The following USP49 variants were observed in gnomAD, a reference collection of about 807,000 sequenced individuals.
The protein encoded by USP49 is ubiquitin carboxyl-terminal hydrolase 49.
In USP49, 24 loss-of-function variants were observed where a neutral mutation model predicts 58.6. That is an observed-to-expected ratio of 0.41 (90% confidence interval 0.30 to 0.58). The LOEUF is 0.58. Ranked by LOEUF, USP49 falls within the 20% of genes least tolerant of loss-of-function variation. The pLI, the probability that USP49 is intolerant of heterozygous loss-of-function variation, is 0.30. For missense variants in USP49, 703 were observed against 866.1 expected (o/e 0.81, Z 2.36); for synonymous variants, 408 against 365.1 (o/e 1.12, Z -1.34).
chr6:41,871,828 A>G (rs1774416940), intron 2 of USP49, among the ~76,000 whole-genome samples, 191 bp from the exon 3 acceptor site: 1 of 152,236 alleles, frequency 6.6e-6, no homozygotes, highest in Non-Finnish European at 1.5e-5. Context: ...GTAACCAAAG[A>G]GTCAGTCACT....
intron 3 of USP49, among the ~76,000 whole-genome samples, chr6:41,817,004 CTAT>C (rs893701154): frequency 4.0e-5 from 6 of 151,336 alleles, no homozygotes; most frequent in East Asian, 3.9e-4. Flanking sequence ...CTGCACCTGG[CTAT>C]TATTATTATT....
rs369674167 is a variant in USP49 at position 41,844,910 on chromosome 6, T to C, written c.-29+26654A>G. Among the ~76,000 whole-genome samples, 28 of 152,238 alleles carry C rather than the reference T, an allele frequency of 1.8e-4. No individual in the cohort carries two copies. In the East Asian group the frequency reaches 3.3e-3, roughly 18 times the overall value. Reference sequence around the variant, plus strand: ...GTTTTTTGTTTGTTTTGGTTTTGTTTTGTGTTTTGAGATGGAGTCTCACTC... The same window carrying C: ...GTTTTTTGTTTGTTTTGGTTTTGTTCTGTGTTTTGAGATGGAGTCTCACTC... On this transcript the variant is annotated intron_variant, in intron 3 of 7. Coordinates refer to ENST00000682992, the MANE Select transcript of USP49 (RefSeq NM_001286554.2).
At chr6:41,833,679 T>C (rs1013638815) in intron 3 of USP49, among the ~76,000 whole-genome samples, 7 of 152,206 alleles carry the variant, frequency 4.6e-5, no homozygotes, top group East Asian at 1.9e-4. Context: ...GGTAAAAATA[T>C]AGGTTAAAAT....
intron 2 of USP49, among the ~76,000 whole-genome samples, chr6:41,877,856 G>A (rs562153383): frequency 7.9e-5 from 12 of 152,222 alleles, no homozygotes; most frequent in African/African-American, 1.9e-4. Flanking sequence ...CCACCACCAC[G>A]CTGGGCTGAG....
At chr6:41,804,114 A>G (rs565303289) in intron 4 of USP49, 104 bp from the exon 5 acceptor site, 1 of 972,358 alleles carries the variant, frequency 1.0e-6, no homozygotes, top group East Asian at 2.7e-5. Context: ...TAAGTGTATA[A>G]TTTTCAAAAA....
At chr6:41,816,379 T>C (rs569233074) in intron 3 of USP49, among the ~76,000 whole-genome samples, 2 of 152,276 alleles carry the variant, frequency 1.3e-5, no homozygotes, top group Middle Eastern at 3.4e-3. Context: ...CCCATCCACA[T>C]TTTTTCTACA....
At chr6:41,842,451 G>A (rs549228168) in intron 3 of USP49, among the ~76,000 whole-genome samples, 2 of 152,050 alleles carry the variant, frequency 1.3e-5, no homozygotes, top group African/African-American at 4.8e-5. Flanking sequence ...CCAAACCTGT[G>A]GTCTGTATAT....
intron 3 of USP49, among the ~76,000 whole-genome samples, chr6:41,868,379 G>A (rs1283564077): frequency 6.6e-6 from 1 of 152,170 alleles, no homozygotes; most frequent in Admixed American, 6.5e-5. Flanking sequence ...CCAGGCTGGA[G>A]TGCAATAGTG....
chr6:41,797,771 C>T, intron 7 of USP49: 4 of 985,844 alleles, frequency 4.1e-6, no homozygotes, highest in Non-Finnish European at 4.8e-6. Context: ...AGTAGCATTA[C>T]CACAAAACAG....
chr6:41,829,351 G>A (rs1448258358), intron 3 of USP49, among the ~76,000 whole-genome samples: 1 of 150,484 alleles, frequency 6.6e-6, no homozygotes, highest in Non-Finnish European at 1.5e-5. Context: ...TTTCGCGCTT[G>A]TTGCCCAGGC....
chr6:41,854,812 C>T (rs913892332), intron 3 of USP49, among the ~76,000 whole-genome samples: 1 of 152,038 alleles, frequency 6.6e-6, no homozygotes, highest in African/African-American at 2.4e-5. Flanking sequence ...CTCACTTTTT[C>T]CCCAAGCTGG....
chr6:41,841,193 A>G (rs1221905521), intron 3 of USP49, among the ~76,000 whole-genome samples: 1 of 151,838 alleles, frequency 6.6e-6, no homozygotes, highest in Admixed American at 6.6e-5. Flanking sequence ...CTTTGTTCAT[A>G]CTATCCCCGC....
intron 3 of USP49, among the ~76,000 whole-genome samples, chr6:41,849,410 GGAAA>G (rs1442465067): frequency 3.3e-5 from 5 of 152,014 alleles, no homozygotes; most frequent in Non-Finnish European, 5.9e-5. Flanking sequence ...AGATCAACAT[GGAAA>G]GAGAGGACCT....
At chr6:41,893,574 C>G (rs985260387) in intron 1 of USP49, among the ~76,000 whole-genome samples, 1 of 152,184 alleles carries the variant, frequency 6.6e-6, no homozygotes, top group Non-Finnish European at 1.5e-5. Context: ...TCACATCACA[C>G]GAGTACACCC....
intron 3 of USP49, among the ~76,000 whole-genome samples, chr6:41,853,746 C>T (rs920111405): frequency 6.6e-5 from 10 of 151,978 alleles, no homozygotes; most frequent in Non-Finnish European, 1.3e-4. Flanking sequence ...CCTGTAATCC[C>T]AGCACTCTGG....
Position 41,803,365 on chromosome 6 carries a change from G to A in USP49, c.1561+441C>T, listed in dbSNP as rs867620649. 7.9e-5 allele frequency among the ~76,000 whole-genome samples: 12 copies of A among 152,262 alleles called. No homozygotes were observed. The highest frequency in any genetic ancestry group is 3.3e-4 in the Admixed American group (5 of 15,298). The stretch of plus-strand genomic sequence containing the variant: ...GTTGCCCAGGCTGGAGTGCAATGGC[G>A]CAATCTTGGCTCACTGCACCCTCCG... On this transcript the variant is annotated intron_variant, in intron 5 of 7. Coordinates refer to ENST00000682992, the MANE Select transcript of USP49 (RefSeq NM_001286554.2). The surrounding 1 kb of genome is among the most constrained non-coding windows in gnomAD (Gnocchi z 4.1).
intron 3 of USP49, among the ~76,000 whole-genome samples, chr6:41,845,152 C>T (rs1773900345): frequency 6.6e-6 from 1 of 152,110 alleles, no homozygotes. Context: ...CCACCCGCCT[C>T]AGCCTCCCAA....
intron 3 of USP49, among the ~76,000 whole-genome samples, chr6:41,834,600 GAT>G (rs1260199801): frequency 1.3e-5 from 2 of 152,176 alleles, no homozygotes; most frequent in African/African-American, 4.8e-5. Flanking sequence ...CTGTTCTTGT[GAT>G]AGTGTGTTCT....
In USP49 at chr6:41,841,342, T is replaced by A. The variant is rs9471675; in HGVS notation, c.-29+30222A>T. On this transcript the variant is annotated intron_variant, in intron 3 of 7. Coordinates refer to ENST00000682992, the MANE Select transcript of USP49 (RefSeq NM_001286554.2). ...ACACAGTCCCTGCCTTCAAGGAGCT[T>A]ACCATCCAGAGAAGCTTATTCTTTC... Among the ~76,000 whole-genome samples the A allele has an allele frequency of 6.3e-3, 953 of 152,304 alleles. 8 individuals carry two copies. Among genetic ancestry groups the A allele is most frequent in the African/African-American group, 0.02 (831 of 41,570 alleles).
Sources: gnomAD v4.1 joint callset for allele counts (sites outside exome capture counted in the v4.1 genomes callset) on GRCh38, gnomAD v4.1.1 for gene constraint, Gnocchi (gnomAD v3.1) non-coding constraint, MANE v1.5 for transcripts, NCBI Gene and HGNC (gene_info 2026-07-23, HGNC 2026-07-21) for gene names.